The following SLC8A3 variants were observed in gnomAD, a reference collection of about 807,000 sequenced individuals.
The protein encoded by SLC8A3 is sodium/calcium exchanger 3.
In SLC8A3, 37 loss-of-function variants were observed where a neutral mutation model predicts 65.4. The ratio of observed to expected loss-of-function variants is 0.57; its 90% CI spans 0.44 to 0.74. The LOEUF is 0.74. Ranked by LOEUF, SLC8A3 falls within the 30% of genes least tolerant of loss-of-function variation. The pLI is 0.00. For synonymous variants in SLC8A3, 461 were observed against 444.5 expected, an observed-to-expected ratio of 1.04 and a Z score of -0.47; for missense variants, 1,112 against 1,172.1, an observed-to-expected ratio of 0.95 and a Z score of 0.75.
chr14:70,186,710 TC>T (rs1883251077), intron 1 of SLC8A3, among the ~76,000 whole-genome samples: 1 of 152,124 alleles, frequency 6.6e-6, no homozygotes, highest in African/African-American at 2.4e-5. Flanking sequence ...GCTGGGTTGA[TC>T]AGTCCACATC....
chr14:70,187,794 G>A (rs1466794298), intron 1 of SLC8A3, among the ~76,000 whole-genome samples: 1 of 152,056 alleles, frequency 6.6e-6, no homozygotes, highest in Non-Finnish European at 1.5e-5. Flanking sequence ...CCCAGCGGTG[G>A]GTGCTCTGGG....
At chr14:70,177,062 G>T (rs945391884) in intron 1 of SLC8A3, among the ~76,000 whole-genome samples, 1 of 152,174 alleles carries the variant, frequency 6.6e-6, no homozygotes, top group Non-Finnish European at 1.5e-5. Flanking sequence ...AGGTTAATTT[G>T]TTCCAAACTC....
At chr14:70,055,885 A>G in intron 3 of SLC8A3, 3 of 1,415,386 alleles carry the variant, frequency 2.1e-6, no homozygotes, top group Non-Finnish European at 9.8e-7. Flanking sequence ...TCTTGAAAGT[A>G]TCACCAGGTT....
Position 70,076,851 on chromosome 14 carries a change from T to G in SLC8A3, c.1785-15912A>C, listed in dbSNP as rs535154533. Among the ~76,000 whole-genome samples the G allele has an allele frequency of 3.4e-4, 52 of 152,344 alleles. 2 individuals are homozygous for G. The South Asian group carries it at 0.011, about 32-fold the overall frequency. On this transcript the variant is annotated intron_variant, in intron 2 of 6. Coordinates refer to ENST00000356921, the MANE Select transcript of SLC8A3 (RefSeq NM_182932.3). ...AGATGCCATGAAAATCATTATTCAT[T>G]TGATCATTTACTGATTAAGAGCCTG...
At chr14:70,056,029 C>A (rs185967981) in intron 3 of SLC8A3, among the ~76,000 whole-genome samples, 65 of 152,268 alleles carry the variant, frequency 4.3e-4, no homozygotes, top group African/African-American at 1.5e-3. Context: ...GGCTGCTGAG[C>A]ACCAGGGCCC....
chr14:70,107,577 A>G (rs1467061850), intron 2 of SLC8A3, among the ~76,000 whole-genome samples: 1 of 152,142 alleles, frequency 6.6e-6, no homozygotes, highest in Non-Finnish European at 1.5e-5. Flanking sequence ...AGATTAATTC[A>G]TGCGAATACC....
intron 2 of SLC8A3, among the ~76,000 whole-genome samples, chr14:70,128,717 C>T (rs2140215765): frequency 6.6e-6 from 1 of 152,340 alleles, no homozygotes; most frequent in East Asian, 1.9e-4. Flanking sequence ...TTCCTCTTCA[C>T]TAATCAATGG....
At chr14:70,078,374 T>C (rs1456805624) in intron 2 of SLC8A3, among the ~76,000 whole-genome samples, 1 of 152,234 alleles carries the variant, frequency 6.6e-6, no homozygotes, top group Admixed American at 6.5e-5. Context: ...TGTATCATTA[T>C]CTTTGATATC....
intron 5 of SLC8A3, among the ~76,000 whole-genome samples, chr14:70,050,379 G>A (rs1005064517): frequency 6.6e-5 from 10 of 152,170 alleles, no homozygotes; most frequent in Admixed American, 6.5e-5. Context: ...GACAAGGCCA[G>A]GAGGCCTCAG....
chr14:70,146,969 G>C (rs1895966589), intron 2 of SLC8A3, among the ~76,000 whole-genome samples: 1 of 152,170 alleles, frequency 6.6e-6, no homozygotes, highest in Admixed American at 6.5e-5. Flanking sequence ...ACACACATAA[G>C]ACAAGGTATA....
intron 2 of SLC8A3, among the ~76,000 whole-genome samples, chr14:70,084,108 C>A (rs1178358020): frequency 6.6e-6 from 1 of 152,200 alleles, no homozygotes; most frequent in Non-Finnish European, 1.5e-5. Flanking sequence ...CTGCAAATTA[C>A]TTAGCAGAAA....
intron 1 of SLC8A3, among the ~76,000 whole-genome samples, chr14:70,170,713 G>C (rs542883942): frequency 2.6e-5 from 4 of 152,100 alleles, no homozygotes; most frequent in Admixed American, 2.6e-4. Flanking sequence ...AATTCTCTTC[G>C]GGACACAAAA....
At chr14:70,155,328 G>A (rs891033511) in intron 2 of SLC8A3, among the ~76,000 whole-genome samples, 7 of 151,970 alleles carry the variant, frequency 4.6e-5, no homozygotes, top group Non-Finnish European at 7.4e-5. Flanking sequence ...CAAAACACTA[G>A]AACTTACTCC....
chr14:70,046,510 T>A lies in SLC8A3; in HGVS notation c.2390-187A>T. On this transcript the variant is annotated intron_variant, in intron 6 of 6. Transcript: ENST00000356921. This position sits in a 1 kb window ranked among gnomAD's most constrained non-coding sequence, Gnocchi z 4.2. ...GCCGTGTGGCCCTGGGTAGGTCACA[T>A]CCCTAGTCTGGGCTTCCCATTCCTC... is the stretch of plus-strand genomic sequence containing the variant. 1.7e-6 allele frequency: 1 copy of A among 574,206 alleles called. No individual in the cohort carries two copies. The highest frequency in any genetic ancestry group is 3.0e-6 in the Non-Finnish European group (1 of 328,380). 35.6% of individuals were successfully genotyped at this position (574,206 alleles called of 1,614,324 possible).
chr14:70,133,399 G>A (rs536828549), intron 2 of SLC8A3, among the ~76,000 whole-genome samples: 17 of 152,128 alleles, frequency 1.1e-4, no homozygotes, highest in Non-Finnish European at 2.2e-4. Context: ...CTCCTTCACT[G>A]TCACCCAGAA....
chr14:70,080,054 A>C (rs1890917451), intron 2 of SLC8A3: 1 of 979,380 alleles, frequency 1.0e-6, no homozygotes, highest in Non-Finnish European at 1.2e-6. Context: ...AAGCACAGGC[A>C]GCAGGCTCAG....
chr14:70,045,978 A>G lies in SLC8A3; in HGVS notation c.2735T>C (p.Leu912Pro). 1 of 1,604,970 alleles carries G rather than the reference A, an allele frequency of 6.2e-7. No homozygotes were observed. Among genetic ancestry groups the G allele is most frequent in the Non-Finnish European group, 8.5e-7 (1 of 1,173,760 alleles). The change falls in exon 7 of 7, where the codon CTA becomes CCA. Residue 912 changes from leucine (L) to proline (P), a missense_variant. Physicochemically the swap from Leu to Pro is moderately conservative, Grantham distance 98. Transcript: ENST00000356921. ...LWLLYILFAT[L>P]EAYCYIKGF The stretch of plus-strand genomic sequence containing the variant: ...CCCCTTGATGTAGCAATAGGCCTCT[A>G]GTGTGGCAAAGAGTATGTAGAGGAG...
chr14:70,185,300 G>C (rs533793337), intron 1 of SLC8A3, among the ~76,000 whole-genome samples: 44 of 152,336 alleles, frequency 2.9e-4, no homozygotes, highest in African/African-American at 9.1e-4. Flanking sequence ...TCAATAGTTT[G>C]AAAAGAAGTC....
At chr14:70,123,073 CAAAAAAA>C (rs35933485) in intron 2 of SLC8A3, among the ~76,000 whole-genome samples, 8 of 89,466 alleles carry the variant, frequency 8.9e-5, no homozygotes, top group East Asian at 4.2e-4. Flanking sequence ...ACTCCATCTC[CAAAAAAA>C]AAAAAAAAAA....
Sources: allele counts gnomAD v4.1 joint callset (sites outside exome capture counted in the v4.1 genomes callset), GRCh38; gene constraint gnomAD v4.1.1; non-coding constraint Gnocchi (gnomAD v3.1); transcripts MANE v1.5; gene names NCBI Gene and HGNC (gene_info 2026-07-23, HGNC 2026-07-21).